PXN: variants seen among roughly 807,000 people sequenced by gnomAD.
The protein encoded by PXN is testicular tissue protein Li 134.
A neutral mutation model predicts 103.6 loss-of-function variants in PXN; 61 were observed. The observed-to-expected ratio is 0.59, with a 90% CI of 0.48 to 0.73. PXN has a LOEUF of 0.73. PXN is among the 30% of genes least tolerant of loss of function. The pLI is 0.00. For synonymous variants in PXN, 562 were observed against 607.8 expected (o/e 0.92, Z 1.11); for missense variants, 1,274 against 1,460.3 (o/e 0.87, Z 2.08).
chr12:120,254,544 CTTTT>C (rs1043362044), intron 1 of PXN, among the ~76,000 whole-genome samples: 7 of 152,110 alleles, frequency 4.6e-5, no homozygotes, highest in African/African-American at 1.7e-4. Flanking sequence ...TTTAGTGGTT[CTTTT>C]GTTTTTGTTT....
In PXN at chr12:120,212,309, G is replaced by C; in HGVS notation, c.*5C>G. On this transcript the variant is annotated 3_prime_UTR_variant, in exon 15 of 15. Transcript: ENST00000637617. This position sits in a 1 kb window ranked among gnomAD's most constrained non-coding sequence, Gnocchi z 7.2. ...GGAAGGGGGGCAGAGACAGGGGCAG[G>C]GCACCTAGCAGAAGAGCTTGAGGAA... The C allele has an allele frequency of 1.9e-6, 3 of 1,610,282 alleles. No homozygotes were observed. The highest frequency in any genetic ancestry group is 2.5e-6 in the Non-Finnish European group (3 of 1,177,640).
In PXN at chr12:120,214,972, C is replaced by T; in HGVS notation, c.2601G>A (p.Trp867Ter). The T allele has an allele frequency of 6.2e-7, 1 of 1,613,848 alleles. No individual in the cohort carries two copies. Among genetic ancestry groups the T allele is most frequent in the Non-Finnish European group, 8.5e-7 (1 of 1,179,812 alleles). The change falls in exon 12 of 15, where the codon TGG becomes TGA. Residue 867 changes from tryptophan (W) to a stop codon, truncating the protein, a stop_gained. Coordinates refer to ENST00000637617, the MANE Select transcript of PXN (RefSeq NM_001385981.1). LOFTEE classifies it high-confidence loss of function. The surrounding 1 kb of genome is among the most constrained non-coding windows in gnomAD (Gnocchi z 5.0). ...GQVVTAMGKTWHPEHFVCTHC... is the reference protein window; with the variant it reads ...GQVVTAMGKT The stretch of plus-strand genomic sequence containing the variant: ...GGGTGCAGACGAAGTGCTCGGGGTG[C>T]CACGTCTTCCCCATGGCGGTCACAA...
At position 120,216,842 on chromosome 12, in the gene PXN, T is replaced by G. The variant is rs1476971000; in HGVS notation, c.1991A>C (p.Lys664Thr). 6.5e-6 allele frequency: 10 copies of G among 1,530,990 alleles called. No homozygotes were observed. The highest frequency in any genetic ancestry group is 1.4e-5 in the African/African-American group (1 of 71,522). 94.8% of individuals were successfully genotyped at this position (1,530,990 alleles called of 1,614,324 possible). Reference protein sequence around the residue: ...GKRAGGQLVEKVVFPPGSPIP... With the variant: ...GKRAGGQLVETVVFPPGSPIP... ...CAGCCATGGGCATCTCCTCGCCACC[T>G]TCTCTACGAGCTGCCCCCCGGCCCG... Residue 664 changes from lysine (K) to threonine (T), a missense_variant and splice_region_variant, in exon 8 of 15, where the codon AAG becomes ACG. Lys to Thr is a moderately conservative substitution (Grantham distance 78). Coordinates refer to ENST00000637617, the MANE Select transcript of PXN (RefSeq NM_001385981.1). The surrounding 1 kb of genome is among the most constrained non-coding windows in gnomAD (Gnocchi z 5.1).
chr12:120,226,540 T>G (rs1886920468), intron 1 of PXN: 1 of 1,226,244 alleles, frequency 8.2e-7, no homozygotes, highest in Non-Finnish European at 1.0e-6. Context: ...ACATTTTGAA[T>G]CAGGGACTCC....
chr12:120,258,946 G>C (rs1043309534), intron 1 of PXN, among the ~76,000 whole-genome samples: 2 of 152,058 alleles, frequency 1.3e-5, no homozygotes, highest in African/African-American at 4.8e-5. Flanking sequence ...GTGCATGCCT[G>C]TAATCCCAGC....
intron 1 of PXN, among the ~76,000 whole-genome samples, chr12:120,259,368 G>T (rs1463373180): frequency 6.6e-6 from 1 of 152,018 alleles, no homozygotes; most frequent in Non-Finnish European, 1.5e-5. Context: ...CTCCAGCCTG[G>T]GTGACAGGGC....
chr12:120,222,949 G>A lies in PXN; in HGVS notation c.407C>T (p.Thr136Met), dbSNP rs561227657. 118 of 1,613,988 alleles carry A rather than the reference G, an allele frequency of 7.3e-5. No individual in the cohort carries two copies. In the South Asian group the frequency reaches 9.9e-4, roughly 14 times the overall value. ...TTCAGAAAGGTTGCTGCCCAGGGAC[G>A]TGCTCATTACGGTGGGTGAAGGCTC... Reference protein sequence around the residue: ...SAEPSPTVMSTSLGSNLSELD... With the variant: ...SAEPSPTVMSMSLGSNLSELD... Residue 136 changes from threonine (T) to methionine (M), a missense_variant, in exon 4 of 15, where the codon ACG becomes ATG. Coordinates refer to ENST00000637617, the MANE Select transcript of PXN (RefSeq NM_001385981.1). This position sits in a 1 kb window ranked among gnomAD's most constrained non-coding sequence, Gnocchi z 4.7.
At chr12:120,233,058 A>G (rs1208027004) in intron 1 of PXN, among the ~76,000 whole-genome samples, 1 of 151,846 alleles carries the variant, frequency 6.6e-6, no homozygotes, top group Non-Finnish European at 1.5e-5. Context: ...TCCTTTCATC[A>G]CCACAGCCAA....
chr12:120,233,586 A>C (rs990701079), intron 1 of PXN, among the ~76,000 whole-genome samples: 1 of 152,172 alleles, frequency 6.6e-6, no homozygotes, highest in Non-Finnish European at 1.5e-5. Context: ...GATTACAAGC[A>C]TAAGCCACTG....
chr12:120,219,570 G>C lies in PXN; in HGVS notation c.1353C>G (p.Pro451=). Residue 451 remains proline (P), a synonymous_variant, in exon 7 of 15, where the codon CCC becomes CCG. Transcript: ENST00000637617. The surrounding 1 kb of genome is among the most constrained non-coding windows in gnomAD (Gnocchi z 6.5). Reference sequence around the variant, plus strand: ...CTTGGAAGCTTCGAGCAGCTCCAGAGGGGGGCATTCTCTCAGGCCCGAATA... The same window carrying C: ...CTTGGAAGCTTCGAGCAGCTCCAGACGGGGGCATTCTCTCAGGCCCGAATA... ...SEVFGPERMP[P]SGAARSFQEV... The C allele has an allele frequency of 6.4e-7, 1 of 1,573,110 alleles. No individual in the cohort carries two copies. Among genetic ancestry groups the C allele is most frequent in the Non-Finnish European group, 8.6e-7 (1 of 1,167,344 alleles).
At chr12:120,251,473 C>A (rs552034036) in intron 1 of PXN, among the ~76,000 whole-genome samples, 5 of 149,896 alleles carry the variant, frequency 3.3e-5, no homozygotes, top group Non-Finnish European at 7.4e-5. Flanking sequence ...GCTGAGATCA[C>A]GCCCCTGCAC....
chr12:120,212,152 C>A lies in PXN; in HGVS notation c.*162G>T. The A allele has an allele frequency of 9.2e-7, 1 of 1,090,728 alleles. No individual in the cohort carries two copies. Among genetic ancestry groups the A allele is most frequent in the South Asian group, 1.4e-5 (1 of 73,530 alleles). The allele number at this position is 1,090,728 out of a possible 1,614,324, so 67.6% of individuals were successfully genotyped here. ...AGGCTCTGGCAGGGGTGAAGACAAG[C>A]AGGGGGACCCCTCACGGCCCTCTGT... On this transcript the variant is annotated 3_prime_UTR_variant, in exon 15 of 15. Transcript: ENST00000637617. The surrounding 1 kb of genome is among the most constrained non-coding windows in gnomAD (Gnocchi z 7.2).
At chr12:120,223,294 C>T (rs552767827) in intron 3 of PXN, among the ~76,000 whole-genome samples, 64 of 152,056 alleles carry the variant, frequency 4.2e-4, no homozygotes, top group African/African-American at 1.4e-3. Flanking sequence ...ATTAGCCAGG[C>T]GTGGTGGTGG....
At chr12:120,250,966 G>A (rs1350802559) in intron 1 of PXN, among the ~76,000 whole-genome samples, 1 of 152,226 alleles carries the variant, frequency 6.6e-6, no homozygotes, top group East Asian at 1.9e-4. Context: ...CACTTTGGGA[G>A]GCCGAGGTGA....
Position 120,215,882 on chromosome 12 carries a change from A to G in PXN, c.2302-221T>C. 1 of 1,356,642 alleles carries G rather than the reference A, an allele frequency of 7.4e-7. No individual in the cohort carries two copies. Among genetic ancestry groups the G allele is most frequent in the Non-Finnish European group, 9.6e-7 (1 of 1,040,924 alleles). 84.0% of individuals were successfully genotyped at this position (1,356,642 alleles called of 1,614,324 possible). A position where few individuals can be genotyped will look rare whatever the true frequency, so the allele number is the denominator to read the frequency against. On this transcript the variant is annotated intron_variant, in intron 9 of 14. Coordinates refer to ENST00000637617, the MANE Select transcript of PXN (RefSeq NM_001385981.1). This position sits in a 1 kb window ranked among gnomAD's most constrained non-coding sequence, Gnocchi z 4.9. ...ACAGGGAGGGGAGTCGACCAAAGGC[A>G]GAGGAAATGGCAAGGGGAGGTGGCC...
intron 1 of PXN, among the ~76,000 whole-genome samples, chr12:120,258,105 A>G (rs1302755997): frequency 6.6e-6 from 1 of 151,988 alleles, no homozygotes; most frequent in Non-Finnish European, 1.5e-5. Context: ...AGGCACAAGA[A>G]TCACTTGAAC....
chr12:120,262,780 G>C (rs1176578789), intron 1 of PXN, among the ~76,000 whole-genome samples: 1 of 152,092 alleles, frequency 6.6e-6, no homozygotes, highest in Non-Finnish European at 1.5e-5. Flanking sequence ...AGGAAACTCC[G>C]GCCAGAACTT....
intron 1 of PXN, among the ~76,000 whole-genome samples, chr12:120,254,377 G>A (rs972058821): frequency 3.3e-5 from 5 of 152,098 alleles, no homozygotes; most frequent in Admixed American, 3.3e-4. Flanking sequence ...CGGGATTTTC[G>A]GATTTTTGTT....
chr12:120,264,556 G>C (rs1164308961), intron 1 of PXN, among the ~76,000 whole-genome samples: 1 of 152,234 alleles, frequency 6.6e-6, no homozygotes, highest in Non-Finnish European at 1.5e-5. Flanking sequence ...GCTTCCAGGA[G>C]ATACTTTCTT....
Sources: allele counts gnomAD v4.1 joint callset (sites outside exome capture counted in the v4.1 genomes callset), GRCh38; gene constraint gnomAD v4.1.1; non-coding constraint Gnocchi (gnomAD v3.1); transcripts MANE v1.5; gene names NCBI Gene and HGNC (gene_info 2026-07-23, HGNC 2026-07-21).